Variants in MCTP2 observed in about 807,000 individuals in gnomAD.
MCTP2 encodes the protein multiple C2 and transmembrane domain containing 2, also known as multiple C2 and transmembrane domain-containing protein 2.
MCTP2 carries 132 observed loss-of-function variants against 111.6 expected under a neutral mutation model. The ratio of observed to expected loss-of-function variants is 1.18; its 90% CI spans 1.03 to 1.37. MCTP2 has a LOEUF of 1.37. Ranked by LOEUF, MCTP2 falls within the 40% of genes most tolerant of loss-of-function variation. MCTP2 has a pLI of 0.00. For missense variants in MCTP2, 1,183 were observed against 1,067.9 expected (o/e 1.11, Z -1.50); for synonymous variants, 395 against 387.7 (o/e 1.02, Z -0.22).
chr15:94,333,044 G>A (rs1471007937), intron 4 of MCTP2, among the ~76,000 whole-genome samples: 2 of 152,218 alleles, frequency 1.3e-5, no homozygotes, highest in Admixed American at 6.5e-5. Context: ...AGACCAGCCC[G>A]GCCAACGTGG....
At chr15:94,319,495 T>G (rs1002605869) in intron 4 of MCTP2, among the ~76,000 whole-genome samples, 2 of 152,174 alleles carry the variant, frequency 1.3e-5, no homozygotes, top group African/African-American at 4.8e-5. Flanking sequence ...TGATTCAGTG[T>G]GTCTGGGGTG....
In MCTP2 at chr15:94,273,979, G is replaced by A. The variant is rs2074051882; in HGVS notation, c.-65-24222G>A. On this transcript the variant is annotated intron_variant, in intron 1 of 22. Coordinates refer to ENST00000357742, the MANE Select transcript of MCTP2 (RefSeq NM_001385001.1). ...AAAAGAGACAGGCAAATATAAGGAA[G>A]AACTTATTGAGAAAATGCAGGAATG... The A allele has an allele frequency of 3.1e-5, 7 of 226,432 alleles. No individual in the cohort carries two copies. In the South Asian group the frequency reaches 6.4e-4, roughly 21 times the overall value. The allele number at this position is 226,432 out of a possible 1,614,324, so 14.0% of individuals were successfully genotyped here.
chr15:94,425,196 A>T (rs990323803), intron 17 of MCTP2, among the ~76,000 whole-genome samples: 3 of 152,164 alleles, frequency 2.0e-5, no homozygotes, highest in African/African-American at 7.2e-5. Context: ...ATGACTTGGT[A>T]TCACTTATTG....
chr15:94,469,413 C>T (rs892636910), intron 20 of MCTP2, among the ~76,000 whole-genome samples: 4 of 152,218 alleles, frequency 2.6e-5, no homozygotes, highest in Admixed American at 1.3e-4. Context: ...GAAAATAATA[C>T]ATAGTGTAAT....
chr15:94,320,538 A>G (rs1390769021), intron 4 of MCTP2, among the ~76,000 whole-genome samples: 1 of 152,102 alleles, frequency 6.6e-6, no homozygotes, highest in Non-Finnish European at 1.5e-5. Context: ...AAGAAATCCA[A>G]CTTCAGTGCT....
intron 20 of MCTP2, among the ~76,000 whole-genome samples, chr15:94,459,433 CATTT>C (rs762667989): frequency 3.3e-5 from 5 of 152,082 alleles, no homozygotes; most frequent in Middle Eastern, 3.4e-3. Context: ...CTCGAATGCC[CATTT>C]ATTATAAGCA....
At chr15:94,241,783 C>A (rs1177080107) in intron 1 of MCTP2, among the ~76,000 whole-genome samples, 1 of 150,056 alleles carries the variant, frequency 6.7e-6, no homozygotes, top group East Asian at 1.9e-4. Context: ...GGCATACCCA[C>A]TTTAAAAAAA....
chr15:94,416,544 C>A (rs1265803115), intron 17 of MCTP2, among the ~76,000 whole-genome samples: 1 of 152,102 alleles, frequency 6.6e-6, no homozygotes, highest in Non-Finnish European at 1.5e-5. Flanking sequence ...GTAGATTACA[C>A]TGAATGTTTC....
At chr15:94,462,277 C>T (rs1213410810) in intron 20 of MCTP2, among the ~76,000 whole-genome samples, 2 of 152,158 alleles carry the variant, frequency 1.3e-5, no homozygotes, top group Non-Finnish European at 2.9e-5. Context: ...TTAGTGAGCT[C>T]ATGTGGTTGA....
At chr15:94,232,316 C>T (rs2070236711) in intron 1 of MCTP2, among the ~76,000 whole-genome samples, 1 of 152,080 alleles carries the variant, frequency 6.6e-6, no homozygotes, top group Admixed American at 6.5e-5. Flanking sequence ...GAGGTTTTCT[C>T]TAGTCTGAAT....
rs529914729 is a variant in MCTP2, at chr15:94,250,635, C to T, written c.-66+18971C>T. Among the ~76,000 whole-genome samples, 16 of 152,292 alleles carry T rather than the reference C, an allele frequency of 1.1e-4. 1 individual carries two copies. In the South Asian group the frequency reaches 2.5e-3, roughly 24 times the overall value. On this transcript the variant is annotated intron_variant, in intron 1 of 22. Transcript: ENST00000357742. ...CTATTTTTTTCTATTAGCTGAACAG[C>T]AGTCTTTATCTCTGTTATATGAAAT... is the stretch of plus-strand genomic sequence containing the variant.
chr15:94,458,041 TA>T, intron 19 of MCTP2, 95 bp from the exon 20 acceptor site: 1 of 703,242 alleles, frequency 1.4e-6, no homozygotes, highest in East Asian at 2.7e-5. Flanking sequence ...ACTCTATTGG[TA>T]AAAACCTTGT....
chr15:94,426,208 G>T (rs1203968051), intron 17 of MCTP2, among the ~76,000 whole-genome samples: 4 of 151,094 alleles, frequency 2.6e-5, no homozygotes, highest in Non-Finnish European at 5.9e-5. Flanking sequence ...ATCCTATTTG[G>T]CATTCCTTAA....
intron 10 of MCTP2, among the ~76,000 whole-genome samples, chr15:94,359,214 G>C (rs1045788408): frequency 1.3e-5 from 2 of 152,156 alleles, no homozygotes; most frequent in African/African-American, 4.8e-5. Context: ...GCAAAAAGGA[G>C]ATGCTGGCAG....
At chr15:94,341,215 T>G in intron 7 of MCTP2, 1 of 341,918 alleles carries the variant, frequency 2.9e-6, no homozygotes. Context: ...AGCTACCAAG[T>G]TTTCCATTGG....
At chr15:94,397,073 A>C (rs1012593112) in intron 14 of MCTP2, among the ~76,000 whole-genome samples, 1 of 152,210 alleles carries the variant, frequency 6.6e-6, no homozygotes, top group African/African-American at 2.4e-5. Flanking sequence ...GTGGAAGTTC[A>C]AAGGGACTTC....
At chr15:94,383,759 T>G (rs538932407) in intron 12 of MCTP2, among the ~76,000 whole-genome samples, 38 of 152,248 alleles carry the variant, frequency 2.5e-4, no homozygotes, top group African/African-American at 9.1e-4. Flanking sequence ...GAGCTACAAT[T>G]CAAGATGATA....
At chr15:94,237,147 G>C (rs2070628873) in intron 1 of MCTP2, among the ~76,000 whole-genome samples, 1 of 152,196 alleles carries the variant, frequency 6.6e-6, no homozygotes, top group Admixed American at 6.5e-5. Context: ...ATAGGATAAA[G>C]GTCTGCACTC....
chr15:94,264,329 C>T (rs2073378387), intron 1 of MCTP2, among the ~76,000 whole-genome samples: 2 of 152,124 alleles, frequency 1.3e-5, no homozygotes, highest in African/African-American at 4.8e-5. Context: ...CCACTTGAGG[C>T]TGGGCGCGGT....
Sources: allele counts gnomAD v4.1 joint callset (sites outside exome capture counted in the v4.1 genomes callset), GRCh38; gene constraint gnomAD v4.1.1; transcripts MANE v1.5; gene names NCBI Gene and HGNC (gene_info 2026-07-23, HGNC 2026-07-21).